The following PTPRK variants were observed in gnomAD, a reference collection of about 807,000 sequenced individuals.
The protein encoded by PTPRK is protein tyrosine phosphatase receptor type K.
Under a neutral mutation model 178.0 loss-of-function variants are expected in PTPRK, and 75 were observed. The observed-to-expected ratio is 0.42, with a 90% CI of 0.35 to 0.51. The LOEUF (loss-of-function observed/expected upper bound fraction) is 0.51. PTPRK is among the 20% of genes least tolerant of loss of function. PTPRK has a pLI of 0.02. For missense variants in PTPRK, 1,441 were observed against 1,797.8 expected (o/e 0.80, Z 3.59); for synonymous variants, 637 against 620.6 (o/e 1.03, Z -0.39).
chr6:128,063,721 A>G (rs1781266132), intron 13 of PTPRK, among the ~76,000 whole-genome samples: 1 of 152,214 alleles, frequency 6.6e-6, no homozygotes, highest in African/African-American at 2.4e-5. Flanking sequence ...AAGTGAATTG[A>G]AAAAGTATAT....
chr6:128,114,639 A>T (rs1272923659), intron 7 of PTPRK, among the ~76,000 whole-genome samples: 1 of 150,020 alleles, frequency 6.7e-6, no homozygotes, highest in Non-Finnish European at 1.5e-5. Flanking sequence ...AAAAAAAAAA[A>T]GCTCTAGCAA....
intron 7 of PTPRK, among the ~76,000 whole-genome samples, chr6:128,142,380 G>A (rs1795895554): frequency 6.6e-6 from 1 of 151,914 alleles, no homozygotes; most frequent in Non-Finnish European, 1.5e-5. Context: ...TAAGTGTAAT[G>A]AAGTAAAGGG....
At chr6:128,082,403 A>G in intron 10 of PTPRK, 34 bp downstream of exon 10, 1 of 1,547,324 alleles carries the variant, frequency 6.5e-7, no homozygotes, top group Non-Finnish European at 8.9e-7. Flanking sequence ...CAATGGCATA[A>G]TCAATCCTAT....
At chr6:128,193,280 GAAAAA>G (rs778872277) in intron 6 of PTPRK, among the ~76,000 whole-genome samples, 9 of 57,754 alleles carry the variant, frequency 1.6e-4, no homozygotes, top group African/African-American at 2.4e-4. Flanking sequence ...TCCAGCTTGT[GAAAAA>G]AAAAAAAAAA....
At chr6:128,005,897 A>G in intron 14 of PTPRK, 1 of 512,718 alleles carries the variant, frequency 2.0e-6, no homozygotes, top group Non-Finnish European at 3.3e-6. Context: ...TAAAGTTTAT[A>G]GTTTTAGAGT....
chr6:128,191,063 G>A lies in PTPRK; in HGVS notation c.869-6338C>T, dbSNP rs1348288293. 2.6e-5 allele frequency among the ~76,000 whole-genome samples: 4 copies of A among 152,074 alleles called. No homozygotes were observed. In the East Asian group the frequency reaches 5.8e-4, roughly 22 times the overall value. ...CCTATGCTTACAATATTTCACACACGAGTAACTTCTGAGAACCATGAAATA... is the reference window on the plus strand; with the variant it reads ...CCTATGCTTACAATATTTCACACACAAGTAACTTCTGAGAACCATGAAATA... On this transcript the variant is annotated intron_variant, in intron 6 of 29. Transcript: ENST00000368226.
At position 128,322,132 on chromosome 6, in the gene PTPRK, A is replaced by G. The variant is rs866308476; in HGVS notation, c.402T>C (p.Leu134=). The G allele has an allele frequency of 1.2e-6, 2 of 1,613,964 alleles. No individual in the cohort carries two copies. Among genetic ancestry groups the G allele is most frequent in the Middle Eastern group, 1.6e-4 (1 of 6,062 alleles). Residue 134 remains leucine (L), a synonymous_variant, in exon 3 of 30, where the codon CTT becomes CTC. Transcript: ENST00000368226. The stretch of plus-strand genomic sequence containing the variant: ...CAGTCACATTCCAAATTGGATTGGC[A>G]AGAGGTCCTTTATTCACCCTAACTA... ...NILVRVNKGP[L]ANPIWNVTGF...
intron 7 of PTPRK, among the ~76,000 whole-genome samples, chr6:128,179,597 T>A (rs1319123944): frequency 6.6e-6 from 1 of 152,170 alleles, no homozygotes. Flanking sequence ...AGCATTGATA[T>A]AAGCCAACAA....
intron 1 of PTPRK, among the ~76,000 whole-genome samples, chr6:128,435,100 G>GGAAGGAAT: frequency 2.5e-5 from 2 of 78,744 alleles, no homozygotes; most frequent in Non-Finnish European, 4.7e-5. Context: ...AAGGAAGGAA[G>GGAAGGAAT]GAAGGAAGGC....
rs143597244 is a variant in PTPRK, at chr6:128,192,620, G to C, written c.869-7895C>G. Among the ~76,000 whole-genome samples, 12 of 152,104 alleles carry C rather than the reference G, an allele frequency of 7.9e-5. 1 individual carries two copies. The highest frequency in any genetic ancestry group is 2.0e-4 in the Admixed American group (3 of 15,266). On this transcript the variant is annotated intron_variant, in intron 6 of 29. Transcript: ENST00000368226. ...AAATCGCTCGAGCCCAGGAGTTTGA[G>C]ACCAGCCTGCGCAACATGGTGAAAC...
intron 13 of PTPRK, among the ~76,000 whole-genome samples, chr6:128,043,601 T>C (rs953930237): frequency 6.6e-5 from 10 of 151,892 alleles, no homozygotes; most frequent in Middle Eastern, 6.8e-3. Flanking sequence ...AGAAAGATGG[T>C]TGCATAGGGT....
intron 11 of PTPRK, among the ~76,000 whole-genome samples, chr6:128,071,547 G>T (rs1030635076): frequency 2.0e-5 from 3 of 152,006 alleles, no homozygotes; most frequent in African/African-American, 7.2e-5. Flanking sequence ...CTGAAAATAT[G>T]AAAAGTATCT....
chr6:128,158,806 A>G (rs1798295534), intron 7 of PTPRK, among the ~76,000 whole-genome samples: 1 of 151,920 alleles, frequency 6.6e-6, no homozygotes, highest in Non-Finnish European at 1.5e-5. Context: ...GTTAATAGTT[A>G]TAGCTTTTTA....
At chr6:128,261,677 G>A (rs1199700765) in intron 3 of PTPRK, among the ~76,000 whole-genome samples, 2 of 152,096 alleles carry the variant, frequency 1.3e-5, no homozygotes, top group Middle Eastern at 3.4e-3. Context: ...CTTAAAATGT[G>A]GATAGTGCAA....
At chr6:128,087,881 C>T (rs1786193748) in intron 8 of PTPRK, among the ~76,000 whole-genome samples, 1 of 152,062 alleles carries the variant, frequency 6.6e-6, no homozygotes, top group African/African-American at 2.4e-5. Context: ...CAGCAAGGCA[C>T]ATGAAATGAT....
intron 3 of PTPRK, among the ~76,000 whole-genome samples, chr6:128,270,267 A>G (rs1819598346): frequency 1.3e-5 from 2 of 152,160 alleles, no homozygotes; most frequent in Non-Finnish European, 1.5e-5. Flanking sequence ...GAGCAGTAAG[A>G]TTATATTCTA....
intron 7 of PTPRK, among the ~76,000 whole-genome samples, chr6:128,117,619 T>G (rs1791757424): frequency 6.6e-6 from 1 of 152,198 alleles, no homozygotes; most frequent in African/African-American, 2.4e-5. Context: ...AGCTTTTCTT[T>G]TATGCAACCT....
intron 2 of PTPRK, among the ~76,000 whole-genome samples, chr6:128,369,815 C>G (rs185557135): frequency 3.3e-5 from 5 of 152,120 alleles, no homozygotes; most frequent in African/African-American, 1.2e-4. Flanking sequence ...GTGAGGAAAT[C>G]TATTCCAGAA....
rs543990969 is a variant in PTPRK, at chr6:128,506,529, G to A, written c.100+13730C>T. ...TTAAAAATTAGCCAGGTATGGTGGC[G>A]CACACCTGTGGTCCCAGCAACTCTG... On this transcript the variant is annotated intron_variant, in intron 1 of 29. Coordinates refer to ENST00000368226, the MANE Select transcript of PTPRK (RefSeq NM_002844.4). Among the ~76,000 whole-genome samples, 11 of 151,512 alleles carry A rather than the reference G, an allele frequency of 7.3e-5. No homozygotes were observed. The South Asian group carries it at 2.1e-3, about 29-fold the overall frequency.
Sources: gnomAD v4.1 joint callset for allele counts (sites outside exome capture counted in the v4.1 genomes callset) on GRCh38, gnomAD v4.1.1 for gene constraint, MANE v1.5 for transcripts, NCBI Gene and HGNC (gene_info 2026-07-23, HGNC 2026-07-21) for gene names.